MAPK10: variants seen among roughly 807,000 people sequenced by gnomAD.
The protein encoded by MAPK10 is mitogen-activated protein kinase 10.
MAPK10 carries 25 observed loss-of-function variants against 59.3 expected under a neutral mutation model. The observed-to-expected ratio is 0.42, with a 90% CI of 0.31 to 0.59. The LOEUF is 0.59. Among genes scored for constraint, MAPK10 ranks in the 20% least tolerant of loss-of-function variants. The probability of loss-of-function intolerance (pLI) is 0.15; values close to 1 mark genes in which losing one functional copy is unlikely to be tolerated. For missense variants in MAPK10, 351 were observed against 568.9 expected (o/e 0.62, Z 3.90); for synonymous variants, 190 against 200.5 (o/e 0.95, Z 0.44).
intron 2 of MAPK10, among the ~76,000 whole-genome samples, chr4:86,231,383 C>T (rs996581086): frequency 8.6e-5 from 13 of 152,024 alleles, no homozygotes; most frequent in African/African-American, 2.2e-4. Flanking sequence ...GGGCTGGACG[C>T]GGTGGCTCAT....
intron 4 of MAPK10, chr4:86,124,057 G>C (rs1331343553): frequency 6.6e-6 from 1 of 151,924 alleles, no homozygotes; most frequent in African/African-American, 2.4e-5. Context: ...AGTGTAAAAA[G>C]TATAACAATT....
At chr4:86,108,474 T>A (rs1049990527) in intron 4 of MAPK10, among the ~76,000 whole-genome samples, 1 of 151,976 alleles carries the variant, frequency 6.6e-6, no homozygotes, top group South Asian at 2.1e-4. Context: ...GCCACAGAAC[T>A]AGGGGCAAAA....
In MAPK10 at chr4:86,038,875, C is replaced by A. The variant is rs193078576; in HGVS notation, c.1111-7444G>T. ...AGAATTGATTAGATATAATTAATTC[C>A]TATGATTTCTCAGTAATGTGACCTT... On this transcript the variant is annotated intron_variant, in intron 11 of 13. Transcript: ENST00000641462. Among the ~76,000 whole-genome samples the A allele has an allele frequency of 2.0e-5, 3 of 152,108 alleles. No homozygotes were observed. In the East Asian group the frequency reaches 5.8e-4, roughly 29 times the overall value.
At chr4:86,161,139 T>C (rs2069495049) in intron 3 of MAPK10, among the ~76,000 whole-genome samples, 1 of 151,992 alleles carries the variant, frequency 6.6e-6, no homozygotes, top group Admixed American at 6.6e-5. Context: ...GCAGCATTCA[T>C]TGCAAATGCA....
At chr4:86,433,035 C>T (rs750477111) in intron 1 of MAPK10, among the ~76,000 whole-genome samples, 3 of 152,148 alleles carry the variant, frequency 2.0e-5, no homozygotes, top group Non-Finnish European at 4.4e-5. Flanking sequence ...ACTGTAGCAA[C>T]AGGGGCTGTA....
At chr4:86,484,368 C>T (rs1753828834) in intron 1 of MAPK10, among the ~76,000 whole-genome samples, 1 of 152,138 alleles carries the variant, frequency 6.6e-6, no homozygotes, top group Non-Finnish European at 1.5e-5. Flanking sequence ...GTTCATCTAG[C>T]AGCTAAGAAC....
chr4:86,343,749 C>T lies in MAPK10; in HGVS notation c.-7+10781G>A, dbSNP rs1578590292. ...AAAGGTGACTTGATGTATAGTATAA[C>T]AAAAAATTGAAACAATAGGTAGATA... On this transcript the variant is annotated intron_variant, in intron 2 of 13. Coordinates refer to ENST00000641462, the MANE Select transcript of MAPK10 (RefSeq NM_138982.4). 2.6e-5 allele frequency among the ~76,000 whole-genome samples: 4 copies of T among 152,174 alleles called. No homozygotes were observed. In the East Asian group the frequency reaches 7.7e-4, roughly 29 times the overall value.
chr4:86,297,008 G>A (rs2095376880), intron 2 of MAPK10, among the ~76,000 whole-genome samples: 1 of 152,158 alleles, frequency 6.6e-6, no homozygotes, highest in Non-Finnish European at 1.5e-5. Context: ...GACGGGGACT[G>A]CCTGGCCTGC....
intron 5 of MAPK10, among the ~76,000 whole-genome samples, chr4:86,104,841 G>A (rs547003687): frequency 1.3e-4 from 20 of 151,210 alleles, no homozygotes; most frequent in South Asian, 2.1e-4. Flanking sequence ...TTTACTCTTC[G>A]AGAATTTCTC....
At chr4:86,076,042 C>G (rs1336979506) in intron 9 of MAPK10, among the ~76,000 whole-genome samples, 2 of 151,956 alleles carry the variant, frequency 1.3e-5, no homozygotes, top group Non-Finnish European at 2.9e-5. Flanking sequence ...TAGCAATCAG[C>G]GAGATTCCGT....
chr4:86,319,870 A>T (rs1364454264), intron 2 of MAPK10, among the ~76,000 whole-genome samples: 3 of 152,188 alleles, frequency 2.0e-5, no homozygotes, highest in African/African-American at 4.8e-5. Flanking sequence ...ATCAAGCCCT[A>T]CTGCCCAAGG....
intron 2 of MAPK10, among the ~76,000 whole-genome samples, chr4:86,239,444 C>A (rs1344152988): frequency 6.6e-6 from 1 of 152,104 alleles, no homozygotes; most frequent in Non-Finnish European, 1.5e-5. Context: ...CTTTGTATTT[C>A]TGATAGAATT....
intron 1 of MAPK10, among the ~76,000 whole-genome samples, chr4:86,418,157 T>A (rs1015929087): frequency 6.6e-6 from 1 of 152,208 alleles, no homozygotes. Context: ...AGTACGAACA[T>A]TAAAGGCACA....
chr4:86,135,177 G>T (rs1406967375), intron 4 of MAPK10, among the ~76,000 whole-genome samples: 1 of 152,202 alleles, frequency 6.6e-6, no homozygotes, highest in Non-Finnish European at 1.5e-5. Flanking sequence ...ACTGGGTGGA[G>T]CCCACCACAG....
At chr4:86,547,833 G>C (rs1759361039) in intron 1 of MAPK10, among the ~76,000 whole-genome samples, 1 of 152,194 alleles carries the variant, frequency 6.6e-6, no homozygotes, top group African/African-American at 2.4e-5. Context: ...CTAGCTCAGG[G>C]TTTGTGAATG....
At chr4:86,182,310 T>C (rs2077097980) in intron 3 of MAPK10, among the ~76,000 whole-genome samples, 1 of 152,166 alleles carries the variant, frequency 6.6e-6, no homozygotes, top group Admixed American at 6.6e-5. Context: ...ATGTACCTAT[T>C]TTCTGTTAAC....
At chr4:86,367,658 T>A (rs183006651) in intron 1 of MAPK10, among the ~76,000 whole-genome samples, 1 of 152,116 alleles carries the variant, frequency 6.6e-6, no homozygotes, top group Non-Finnish European at 1.5e-5. Context: ...TTTGTTTTTT[T>A]TTTTGTTTTG....
intron 2 of MAPK10, among the ~76,000 whole-genome samples, chr4:86,320,774 G>C (rs1339024583): frequency 6.6e-6 from 1 of 152,070 alleles, no homozygotes; most frequent in African/African-American, 2.4e-5. Flanking sequence ...TTCTTCTAGG[G>C]TTTTTATGGT....
At chr4:86,302,207 T>C (rs1047620734) in intron 2 of MAPK10, among the ~76,000 whole-genome samples, 4 of 152,234 alleles carry the variant, frequency 2.6e-5, no homozygotes, top group African/African-American at 9.6e-5. Context: ...TGCCTAATAA[T>C]AGCAAAGTAA....
Sources: allele counts gnomAD v4.1 joint callset (sites outside exome capture counted in the v4.1 genomes callset), GRCh38; gene constraint gnomAD v4.1.1; transcripts MANE v1.5; gene names NCBI Gene and HGNC (gene_info 2026-07-23, HGNC 2026-07-21).